The following ZFP64 variants were observed in gnomAD, a reference collection of about 807,000 sequenced individuals.
The protein encoded by ZFP64 is ZFP64 zinc finger protein.
In ZFP64, 14 loss-of-function variants were observed where a neutral mutation model predicts 51.6. The observed-to-expected ratio is 0.27, with a 90% CI of 0.18 to 0.42. The LOEUF (loss-of-function observed/expected upper bound fraction) is 0.42. ZFP64 is among the 10% of genes least tolerant of loss of function. The pLI, the probability that ZFP64 is intolerant of heterozygous loss-of-function variation, is 1.00. For missense variants in ZFP64, 754 were observed against 906.8 expected (o/e 0.83, Z 2.16); for synonymous variants, 375 against 361.4 (o/e 1.04, Z -0.43).
At chr20:52,183,663 G>A (rs1983768561) in intron 2 of ZFP64, among the ~76,000 whole-genome samples, 1 of 152,068 alleles carries the variant, frequency 6.6e-6, no homozygotes, top group Non-Finnish European at 1.5e-5. Flanking sequence ...GGAGACAGTG[G>A]GAAGATCTCA....
chr20:52,140,771 T>A (rs1980214838), intron 5 of ZFP64, among the ~76,000 whole-genome samples: 1 of 152,146 alleles, frequency 6.6e-6, no homozygotes, highest in South Asian at 2.1e-4. Context: ...GATTTTTGTT[T>A]ATAAAAATAG....
intron 5 of ZFP64, among the ~76,000 whole-genome samples, chr20:52,131,915 A>G (rs993431973): frequency 6.6e-6 from 1 of 152,220 alleles, no homozygotes; most frequent in African/African-American, 2.4e-5. Context: ...GCTGCAGAAT[A>G]CACATTCTTT....
chr20:52,172,833 C>CA lies in ZFP64; in HGVS notation c.287-6809dup, dbSNP rs1214982638. Among the ~76,000 whole-genome samples the CA allele has an allele frequency of 2.0e-5, 3 of 152,328 alleles. No individual in the cohort carries two copies. In the South Asian group the frequency reaches 6.2e-4, roughly 32 times the overall value. On this transcript the variant is annotated intron_variant, in intron 2 of 5. Transcript: ENST00000216923. ...CGATACCCCAAGAAGCTCACAGCCT[C>CA]ACACACCTGCTGCAGCTTTCAGGTT...
At chr20:52,087,530 A>T (rs1478545650) in intron 8 of ZFP64, among the ~76,000 whole-genome samples, 3 of 152,254 alleles carry the variant, frequency 2.0e-5, no homozygotes, top group Non-Finnish European at 4.4e-5. Flanking sequence ...TACTTCCAGG[A>T]TTAGTTATTG....
chr20:52,184,709 C>G (rs2123122885), intron 2 of ZFP64, among the ~76,000 whole-genome samples: 1 of 152,232 alleles, frequency 6.6e-6, no homozygotes, highest in Non-Finnish European at 1.5e-5. Context: ...TCACTGCAGC[C>G]TCAAACTCCT....
chr20:52,086,478 A>ATTT (rs11476509), intron 8 of ZFP64, among the ~76,000 whole-genome samples: 2 of 142,564 alleles, frequency 1.4e-5, no homozygotes, highest in South Asian at 2.2e-4. Flanking sequence ...TTCACAAGGA[A>ATTT]TTTTTTTTTT....
chr20:52,098,445 G>T lies in ZFP64; in HGVS notation c.906C>A (p.Cys302Ter). 6.2e-7 allele frequency: 1 copy of T among 1,614,018 alleles called. No individual in the cohort carries two copies. Among genetic ancestry groups the T allele is most frequent in the Non-Finnish European group, 8.5e-7 (1 of 1,179,972 alleles). Residue 302 changes from cysteine (C) to a stop codon, truncating the protein, a stop_gained, in exon 6 of 9, where the codon TGC (cysteine) becomes TGA (stop). Coordinates refer to the ZFP64 transcript ENST00000361387. LOFTEE classifies it high-confidence loss of function. Reference sequence around the variant, plus strand: ...GCAGGGTTTTACTCTTACCTGGGTAGCAACAGTTGAACGTCCTCTCTCCAA... The same window carrying T: ...GCAGGGTTTTACTCTTACCTGGGTATCAACAGTTGAACGTCCTCTCTCCAA...
intron 7 of ZFP64, chr20:52,096,762 G>A (rs1372904386): frequency 3.2e-5 from 6 of 187,298 alleles, no homozygotes; most frequent in Non-Finnish European, 6.9e-5. Flanking sequence ...GGTGGCAGGC[G>A]CCTGTAATCC....
chr20:52,116,503 A>G (rs1411622297), intron 5 of ZFP64, among the ~76,000 whole-genome samples: 1 of 151,754 alleles, frequency 6.6e-6, no homozygotes, highest in Non-Finnish European at 1.5e-5. Context: ...TTTATAGTTA[A>G]GAATTAACTA....
chr20:52,085,383 C>G lies in ZFP64; in HGVS notation c.1229-117G>C. On this transcript the variant is annotated intron_variant, in intron 8 of 8. Transcript: ENST00000361387. The surrounding 1 kb of genome is among the most constrained non-coding windows in gnomAD (Gnocchi z 4.3). The stretch of plus-strand genomic sequence containing the variant: ...TGGTTGGGTTTTGTGAACTCTAAAC[C>G]CAACCTCCTAATGACAACACTTGTT... 9.3e-7 allele frequency: 1 copy of G among 1,078,428 alleles called. No individual in the cohort carries two copies. The highest frequency in any genetic ancestry group is 1.3e-6 in the Non-Finnish European group (1 of 762,582). The allele number at this position is 1,078,428 out of a possible 1,614,324, so 66.8% of individuals were successfully genotyped here.
At chr20:52,163,588 A>T (rs1982004333) in intron 4 of ZFP64, among the ~76,000 whole-genome samples, 2 of 152,144 alleles carry the variant, frequency 1.3e-5, no homozygotes, top group Admixed American at 1.3e-4. Context: ...TATGATGGTG[A>T]CCCCAGTGCA....
chr20:52,129,902 T>C (rs1190316119), intron 5 of ZFP64, among the ~76,000 whole-genome samples: 4 of 152,240 alleles, frequency 2.6e-5, no homozygotes, highest in Non-Finnish European at 5.9e-5. Context: ...TCGTCATTAT[T>C]GTTTATTATT....
Position 52,112,292 on chromosome 20 carries a change from T to TAAATAAC in ZFP64, c.764-13706_764-13705insGTTATTT, listed in dbSNP as rs1242717423. On this transcript the variant is annotated intron_variant, in intron 5 of 8. Transcript: ENST00000361387. ...AGTACATAGATACTACTCTAAGTAT[T>TAAATAAC]AACAGTTATTTATGATAATGGAGTA... Among the ~76,000 whole-genome samples, 4 of 152,264 alleles carry TAAATAAC rather than the reference T, an allele frequency of 2.6e-5. No individual in the cohort carries two copies. The South Asian group carries it at 8.3e-4, about 32-fold the overall frequency.
At chr20:52,116,255 C>A (rs1330290696) in intron 5 of ZFP64, among the ~76,000 whole-genome samples, 2 of 151,944 alleles carry the variant, frequency 1.3e-5, no homozygotes, top group African/African-American at 4.8e-5. Context: ...CCTGCCTCAG[C>A]CTCCCGAGTA....
In ZFP64 at chr20:52,153,221, C is replaced by A; in HGVS notation, c.971G>T (p.Gly324Val). 1 of 1,614,194 alleles carries A rather than the reference C, an allele frequency of 6.2e-7. No homozygotes were observed. The highest frequency in any genetic ancestry group is 8.5e-7 in the Non-Finnish European group (1 of 1,180,030). ...CTTCCGGAGGGTGGCTTTGCTGTCA[C>A]CCAGGAAGTCGCAATGAGGACACTT... ...NFKCPHCDFL[G>V]DSKATLRKHS... The change falls in exon 6 of 6, where the codon GGT becomes GTT. Residue 324 changes from glycine (G) to valine (V), a missense_variant. Transcript: ENST00000216923. The surrounding 1 kb of genome is among the most constrained non-coding windows in gnomAD (Gnocchi z 5.1).
chr20:52,111,533 T>C (rs1002379963), intron 5 of ZFP64, among the ~76,000 whole-genome samples: 1 of 151,844 alleles, frequency 6.6e-6, no homozygotes, highest in African/African-American at 2.4e-5. Context: ...TTTTTTTTAA[T>C]AGTTGTTAGA....
chr20:52,166,772 A>G (rs374825036), intron 2 of ZFP64, among the ~76,000 whole-genome samples: 1 of 152,106 alleles, frequency 6.6e-6, no homozygotes, highest in East Asian at 1.9e-4. Context: ...AAATGTCCCT[A>G]TAATTTATGT....
At chr20:52,093,165 G>A (rs2078947386) in intron 7 of ZFP64, among the ~76,000 whole-genome samples, 1 of 151,734 alleles carries the variant, frequency 6.6e-6, no homozygotes, top group African/African-American at 2.4e-5. Flanking sequence ...TTAATAGACA[G>A]AGCCTCACTC....
At chr20:52,144,844 C>T (rs1227355116) in intron 5 of ZFP64, among the ~76,000 whole-genome samples, 1 of 151,944 alleles carries the variant, frequency 6.6e-6, no homozygotes, top group Non-Finnish European at 1.5e-5. Flanking sequence ...AATCATAGGG[C>T]CACGTAATTG....
Sources: allele counts gnomAD v4.1 joint callset (sites outside exome capture counted in the v4.1 genomes callset), GRCh38; gene constraint gnomAD v4.1.1; non-coding constraint Gnocchi (gnomAD v3.1); transcripts MANE v1.5; gene names NCBI Gene and HGNC (gene_info 2026-07-23, HGNC 2026-07-21).